Variants in MNDA observed in about 807,000 individuals in gnomAD.
MNDA encodes myeloid cell nuclear differentiation antigen, also known as epididymis secretory sperm binding protein.
A neutral mutation model predicts 37.8 loss-of-function variants in MNDA; 43 were observed. The observed-to-expected ratio is 1.14, with a 90% CI of 0.89 to 1.47. The LOEUF is 1.47. Ranked by LOEUF, MNDA falls within the 40% of genes most tolerant of loss-of-function variation. The pLI is 0.00. For missense variants in MNDA, 536 were observed against 476.0 expected (o/e 1.13, Z -1.17); for synonymous variants, 181 against 169.0 (o/e 1.07, Z -0.55).
chr1:158,843,199 A>G, intron 2 of MNDA, 80 bp from the exon 3 acceptor site: 1 of 1,482,296 alleles, frequency 6.7e-7, no homozygotes, highest in Non-Finnish European at 9.0e-7. Flanking sequence ...GACAGCAGGT[A>G]ATATTGAAAC....
At chr1:158,833,571 C>T (rs912234545) in intron 1 of MNDA, among the ~76,000 whole-genome samples, 3 of 152,164 alleles carry the variant, frequency 2.0e-5, no homozygotes, top group African/African-American at 4.8e-5. Context: ...TATGTTTAAT[C>T]ATACAGTAAG....
rs374633718 is a variant in MNDA at position 158,847,936 on chromosome 1, G to T, written c.1176+20G>T. 1 of 1,592,264 alleles carries T rather than the reference G, an allele frequency of 6.3e-7. No homozygotes were observed. Among genetic ancestry groups the T allele is most frequent in the African/African-American group, 1.4e-5 (1 of 73,978 alleles). ...ATCAAGGTGGGAACTGGATAGAGGA[G>T]AATGAGTTTGCTAAAGAGGCAAATA... On this transcript the variant is annotated intron_variant, in intron 6 of 6. Transcript: ENST00000368141.
At chr1:158,844,199 T>G (rs1260671269) in intron 4 of MNDA, 77 bp downstream of exon 4, 2 of 1,285,680 alleles carry the variant, frequency 1.6e-6, no homozygotes, top group Non-Finnish European at 1.1e-6. Flanking sequence ...ATTGTTACTC[T>G]CATGCATAAC....
At chr1:158,841,865 C>T (rs1223945857) in intron 1 of MNDA, among the ~76,000 whole-genome samples, 1 of 152,178 alleles carries the variant, frequency 6.6e-6, no homozygotes, top group Non-Finnish European at 1.5e-5. Context: ...ATAAATACTG[C>T]AACAATTACC....
chr1:158,847,587 A>T (rs1346501620), intron 5 of MNDA, 141 bp from the exon 6 acceptor site: 1 of 621,342 alleles, frequency 1.6e-6, no homozygotes, highest in African/African-American at 1.9e-5. Flanking sequence ...GGACCCTGTG[A>T]GATGGCAGGC....
intron 6 of MNDA, among the ~76,000 whole-genome samples, chr1:158,848,893 T>C (rs973588771): frequency 2.0e-5 from 3 of 152,068 alleles, no homozygotes; most frequent in African/African-American, 7.2e-5. Flanking sequence ...TCTGCAAATG[T>C]TACAAATCGA....
At position 158,845,261 on chromosome 1, in the gene MNDA, G is replaced by A. The variant is rs187447261; in HGVS notation, c.571-326G>A. On this transcript the variant is annotated intron_variant, in intron 4 of 6. Transcript: ENST00000368141. ...TTGTTTGTTTGTTTGTTTTTGAGAC[G>A]GAGTCTCGCTCTATCGCCCAGGCTG... Among the ~76,000 whole-genome samples the A allele has an allele frequency of 5.6e-4, 85 of 151,928 alleles. 4 individuals carry two copies. In the East Asian group the frequency reaches 0.015, roughly 27 times the overall value.
chr1:158,845,183 CAG>C (rs1331640056), intron 4 of MNDA, among the ~76,000 whole-genome samples: 2 of 152,068 alleles, frequency 1.3e-5, no homozygotes, highest in Non-Finnish European at 2.9e-5. Flanking sequence ...GTCACTCGTG[CAG>C]AGTGACTTTG....
Position 158,842,332 on chromosome 1 carries a change from C to T in MNDA, c.179C>T (p.Ala60Val). 6.2e-7 allele frequency: 1 copy of T among 1,614,110 alleles called. No individual in the cohort carries two copies. Among genetic ancestry groups the T allele is most frequent in the Non-Finnish European group, 8.5e-7 (1 of 1,179,984 alleles). ...ATGGAAAAAAAGTTCCAAGGCGTTG[C>T]CTGTCTAGACAAACTAATAGAACTT... is the stretch of plus-strand genomic sequence containing the variant. The part of the protein sequence containing the change: ...DLMEKKFQGV[A>V]CLDKLIELAK... The change falls in exon 2 of 7, where the codon GCC becomes GTC. Residue 60 changes from alanine (A) to valine (V), a missense_variant. By Grantham distance (64) the Ala-to-Val change is moderately conservative. Transcript: ENST00000368141.
At chr1:158,835,923 TG>T (rs1314064577) in intron 1 of MNDA, among the ~76,000 whole-genome samples, 1 of 151,912 alleles carries the variant, frequency 6.6e-6, no homozygotes, top group Non-Finnish European at 1.5e-5. Context: ...GGTAATGTGG[TG>T]TATTATCTTA....
chr1:158,834,079 G>A (rs552827091), intron 1 of MNDA, among the ~76,000 whole-genome samples: 26 of 152,080 alleles, frequency 1.7e-4, no homozygotes, highest in African/African-American at 6.3e-4. Context: ...GATGTTTTGT[G>A]CATGTATGTT....
intron 1 of MNDA, among the ~76,000 whole-genome samples, chr1:158,837,764 T>C (rs1173248056): frequency 6.6e-6 from 1 of 151,836 alleles, no homozygotes; most frequent in Non-Finnish European, 1.5e-5. Flanking sequence ...GTTGCCATTT[T>C]TTATTTGTTT....
intron 6 of MNDA, 77 bp downstream of exon 6, chr1:158,847,993 C>T: frequency 7.4e-7 from 1 of 1,349,046 alleles, no homozygotes; most frequent in South Asian, 1.3e-5. Flanking sequence ...CACCAGGTTC[C>T]TCATGTATTA....
intron 1 of MNDA, among the ~76,000 whole-genome samples, chr1:158,835,618 G>C (rs78513455): frequency 4.5e-5 from 4 of 88,376 alleles, no homozygotes; most frequent in African/African-American, 1.3e-4. Context: ...TTTTTGGTGG[G>C]GGCGGGGGGT....
chr1:158,845,968 G>A lies in MNDA; in HGVS notation c.952G>A (p.Gly318Arg). 1 of 1,613,938 alleles carries A rather than the reference G, an allele frequency of 6.2e-7. No homozygotes were observed. The highest frequency in any genetic ancestry group is 8.5e-7 in the Non-Finnish European group (1 of 1,179,928). The change falls in exon 5 of 7, where the codon GGA (glycine) becomes AGA (arginine). Residue 318 changes from glycine to arginine, a missense_variant. Transcript: ENST00000368141. ...KISQLYKQAS[G>R]TMVYGLFMLQ... is the part of the protein sequence containing the mutation. ...CAGTCAACTTTACAAGCAAGCATCT[G>A]GAACAATGGTGTATGGGTTGTTTAT... is the stretch of plus-strand genomic sequence containing the variant.
In MNDA at chr1:158,845,702, A is replaced by C. The variant is rs748799309; in HGVS notation, c.686A>C (p.Glu229Ala). Residue 229 changes from glutamate to alanine, a missense_variant, in exon 5 of 7, where the codon GAA (glutamate) becomes GCA (alanine). By Grantham distance (107) the Glu-to-Ala change is moderately radical (BLOSUM62 -1). Transcript: ENST00000368141. ...GCGCCATTTAAATACGAGTCCCCAG[A>C]AAATGGGAAAAGCACAATGTTTCAT... ...ATAPFKYESP[E>A]NGKSTMFHAT... 6.2e-7 allele frequency: 1 copy of C among 1,614,012 alleles called. No homozygotes were observed. Among genetic ancestry groups the C allele is most frequent in the African/African-American group, 1.3e-5 (1 of 74,928 alleles).
intron 1 of MNDA, among the ~76,000 whole-genome samples, chr1:158,835,936 T>C (rs919031570): frequency 6.6e-6 from 1 of 152,040 alleles, no homozygotes; most frequent in African/African-American, 2.4e-5. Flanking sequence ...ATTATCTTAA[T>C]TGATTTTTAC....
In MNDA at chr1:158,831,984, T is replaced by C. The variant is rs568795744; in HGVS notation, c.-21+427T>C. On this transcript the variant is annotated intron_variant, in intron 1 of 6. Transcript: ENST00000368141. ...TCTATTATATGATTTTATCTCTATT[T>C]TAAAAAGCATAGACATGTGCACACA... is the stretch of plus-strand genomic sequence containing the variant. 2.0e-5 allele frequency among the ~76,000 whole-genome samples: 3 copies of C among 152,166 alleles called. No homozygotes were observed. The South Asian group carries it at 6.2e-4, about 31-fold the overall frequency.
At chr1:158,846,769 G>C (rs1659142737) in intron 5 of MNDA, among the ~76,000 whole-genome samples, 1 of 152,076 alleles carries the variant, frequency 6.6e-6, no homozygotes, top group African/African-American at 2.4e-5. Context: ...TTATATGATT[G>C]ACTGCTTTAT....
Sources: gnomAD v4.1 joint callset for allele counts (sites outside exome capture counted in the v4.1 genomes callset) on GRCh38, gnomAD v4.1.1 for gene constraint, MANE v1.5 for transcripts, NCBI Gene and HGNC (gene_info 2026-07-23, HGNC 2026-07-21) for gene names.